STRADB: variants seen among roughly 807,000 people sequenced by gnomAD.
The protein encoded by STRADB is STE20 related adaptor beta, also known as STE20-related kinase adapter protein beta.
A neutral mutation model predicts 52.1 loss-of-function variants in STRADB; 34 were observed. That is an observed-to-expected ratio of 0.65 (90% confidence interval 0.50 to 0.87). The LOEUF is 0.87. STRADB is among the 40% of genes least tolerant of loss of function. STRADB has a pLI of 0.00. For missense variants in STRADB, 340 were observed against 483.9 expected (o/e 0.70, Z 2.79); for synonymous variants, 133 against 174.5 (o/e 0.76, Z 1.87).
chr2:201,477,392 A>G (rs1952495150), intron 7 of STRADB, among the ~76,000 whole-genome samples: 2 of 152,102 alleles, frequency 1.3e-5, no homozygotes, highest in Admixed American at 1.3e-4. Flanking sequence ...GCTTTCAATT[A>G]TATCTTTACT....
chr2:201,463,167 C>T (rs1426467832), intron 3 of STRADB, among the ~76,000 whole-genome samples: 1 of 152,100 alleles, frequency 6.6e-6, no homozygotes, highest in African/African-American at 2.4e-5. Flanking sequence ...GAAACCCCAT[C>T]TCTACTAAAA....
At position 201,469,622 on chromosome 2, in the gene STRADB, A is replaced by G. The variant is rs73049589; in HGVS notation, c.94-331A>G. On this transcript the variant is annotated intron_variant, in intron 3 of 11. Transcript: ENST00000194530. ...TAGAATATCCCTCACAGGTCCCTGC[A>G]GCTCTTCGCTTGGTACATTTGTCAG... Among the ~76,000 whole-genome samples the G allele has an allele frequency of 8.6e-3, 1,305 of 152,338 alleles. 26 individuals are homozygous for G. Among genetic ancestry groups the G allele is most frequent in the African/African-American group, 0.03 (1,253 of 41,580 alleles).
intron 2 of STRADB, among the ~76,000 whole-genome samples, chr2:201,455,861 C>T (rs1952119920): frequency 6.6e-6 from 1 of 152,216 alleles, no homozygotes; most frequent in Non-Finnish European, 1.5e-5. Context: ...TGGAGCCAGA[C>T]TCATACCTGC....
At position 201,478,151 on chromosome 2, in the gene STRADB, C is replaced by T. The variant is rs1952509926; in HGVS notation, c.785C>T (p.Ala262Val). The T allele has an allele frequency of 6.2e-7, 1 of 1,613,562 alleles. No homozygotes were observed. The highest frequency in any genetic ancestry group is 8.5e-7 in the Non-Finnish European group (1 of 1,179,840). Residue 262 changes from alanine (A) to valine (V), a missense_variant, in exon 9 of 12, where the codon GCC (alanine) becomes GTC (valine). Ala to Val is a moderately conservative substitution (Grantham distance 64, BLOSUM62 0). Transcript: ENST00000194530. ...GTTGGGATTACAGCATGTGAATTAG[C>T]CAGTGGGCAGGTGCCTTTCCAGGAC... ...YSVGITACELASGQVPFQDMH... is the reference protein window; with the variant it reads ...YSVGITACELVSGQVPFQDMH...
intron 1 of STRADB, 84 bp from the exon 2 acceptor site, chr2:201,454,662 C>G: frequency 2.2e-6 from 1 of 460,102 alleles, no homozygotes; most frequent in Non-Finnish European, 3.8e-6. Flanking sequence ...GAATAGCTGC[C>G]TAAATATTGG....
intron 3 of STRADB, chr2:201,460,911 T>TG (rs1952205033): frequency 6.5e-6 from 1 of 152,790 alleles, no homozygotes; most frequent in Admixed American, 6.6e-5. Flanking sequence ...ATATGGTAGT[T>TG]TTTTTTTTTT....
chr2:201,474,582 C>T (rs1187045014), intron 5 of STRADB, 65 bp from the exon 6 acceptor site: 1 of 1,418,682 alleles, frequency 7.0e-7, no homozygotes, highest in Non-Finnish European at 9.8e-7. Context: ...GCCACGACCG[C>T]CATTTTCATC....
In STRADB at chr2:201,469,967, C is replaced by A. The variant is rs1379739041; in HGVS notation, c.108C>A (p.Thr36=). ...AACAAATGCAGGTTGATGAGCCAAC[C>A]CTTTCCTGGTCACGTCCATCCACTA... ...SIHQYLVDEP[T]LSWSRPSTRA... Residue 36 remains threonine, a synonymous_variant, in exon 4 of 12, where the codon ACC becomes ACA. Transcript: ENST00000194530. 6.2e-7 allele frequency: 1 copy of A among 1,613,562 alleles called. No individual in the cohort carries two copies. The highest frequency in any genetic ancestry group is 1.3e-5 in the African/African-American group (1 of 75,022).
intron 2 of STRADB, among the ~76,000 whole-genome samples, chr2:201,456,813 G>A (rs915868690): frequency 3.3e-5 from 5 of 152,184 alleles, no homozygotes; most frequent in African/African-American, 1.2e-4. Flanking sequence ...AAGGGAAAAG[G>A]TATGTGGGGT....
chr2:201,467,912 G>A (rs1952327782), intron 3 of STRADB, among the ~76,000 whole-genome samples: 1 of 150,996 alleles, frequency 6.6e-6, no homozygotes, highest in Admixed American at 6.6e-5. Flanking sequence ...GGTATTGACT[G>A]AAACCTCTGA....
At chr2:201,476,181 A>G (rs1952468247) in intron 7 of STRADB, among the ~76,000 whole-genome samples, 1 of 152,216 alleles carries the variant, frequency 6.6e-6, no homozygotes, top group East Asian at 1.9e-4. Flanking sequence ...CCTTGAGATT[A>G]TCATCCTAAA....
At chr2:201,461,968 C>G (rs1952223529) in intron 3 of STRADB, among the ~76,000 whole-genome samples, 1 of 152,124 alleles carries the variant, frequency 6.6e-6, no homozygotes, top group Non-Finnish European at 1.5e-5. Flanking sequence ...TTCTTGGCTT[C>G]TTTGTCAAAA....
rs1365856954 is a variant in STRADB, at chr2:201,458,655, C to T, written c.13-129C>T. ...CATGATGTGGATCCTGGCTTCAATTCCAAGTTTCTGCAAGTTGCCCTTCCT... is the reference window on the plus strand; with the variant it reads ...CATGATGTGGATCCTGGCTTCAATTTCAAGTTTCTGCAAGTTGCCCTTCCT... On this transcript the variant is annotated intron_variant, in intron 2 of 11. Transcript: ENST00000194530. 6 of 691,172 alleles carry T rather than the reference C, an allele frequency of 8.7e-6. No homozygotes were observed. The East Asian group carries it at 1.2e-4, about 13-fold the overall frequency. 42.8% of individuals were successfully genotyped at this position (691,172 alleles called of 1,614,324 possible). A position where few individuals can be genotyped will look rare whatever the true frequency, so the allele number is the denominator to read the frequency against.
At chr2:201,474,479 AT>A (rs1168369963) in intron 5 of STRADB, 167 bp from the exon 6 acceptor site, 1 of 532,356 alleles carries the variant, frequency 1.9e-6, no homozygotes, top group Non-Finnish European at 3.2e-6. Context: ...GGGAATCATA[AT>A]ATCACATACT....
chr2:201,465,326 A>C (rs575779033), intron 3 of STRADB, among the ~76,000 whole-genome samples: 1 of 152,236 alleles, frequency 6.6e-6, no homozygotes, highest in African/African-American at 2.4e-5. Flanking sequence ...ATCCTGCCAG[A>C]ACTAGGTCCT....
chr2:201,470,452 G>A (rs920674601), intron 4 of STRADB, among the ~76,000 whole-genome samples: 1 of 152,176 alleles, frequency 6.6e-6, no homozygotes, highest in Non-Finnish European at 1.5e-5. Context: ...ATCATTTGTA[G>A]TAGAAAGCTT....
chr2:201,453,600 T>C (rs1952084092), intron 1 of STRADB, among the ~76,000 whole-genome samples: 1 of 152,188 alleles, frequency 6.6e-6, no homozygotes, highest in African/African-American at 2.4e-5. Context: ...GTATGAATAT[T>C]TTCATGGTTA....
At chr2:201,467,369 CA>C (rs1286119495) in intron 3 of STRADB, among the ~76,000 whole-genome samples, 1 of 152,172 alleles carries the variant, frequency 6.6e-6, no homozygotes, top group Non-Finnish European at 1.5e-5. Flanking sequence ...TCTTCACTTC[CA>C]GTTCTTGTAC....
At chr2:201,474,347 G>A (rs182309365) in intron 5 of STRADB, among the ~76,000 whole-genome samples, 2 of 152,290 alleles carry the variant, frequency 1.3e-5, no homozygotes, top group African/African-American at 4.8e-5. Context: ...ACATAGAACA[G>A]TTGTTAAGAG....
Sources: allele counts gnomAD v4.1 joint callset (sites outside exome capture counted in the v4.1 genomes callset), GRCh38; gene constraint gnomAD v4.1.1; transcripts MANE v1.5; gene names NCBI Gene and HGNC (gene_info 2026-07-23, HGNC 2026-07-21).